Variants in CATSPERG observed in about 807,000 individuals in gnomAD.
CATSPERG encodes catsper channel auxiliary subunit gamma, also known as cation channel sperm-associated auxiliary subunit gamma.
CATSPERG carries 115 observed loss-of-function variants against 145.0 expected under a neutral mutation model. The ratio of observed to expected loss-of-function variants is 0.79; its 90% CI spans 0.68 to 0.93. CATSPERG has a LOEUF of 0.93. CATSPERG is among the 40% of genes least tolerant of loss of function. The probability of loss-of-function intolerance (pLI) is 0.00; values close to 1 mark genes in which losing one functional copy is unlikely to be tolerated. For missense variants in CATSPERG, 1,296 were observed against 1,490.1 expected, an observed-to-expected ratio of 0.87 and a Z score of 2.14; for synonymous variants, 588 against 589.0, an observed-to-expected ratio of 1.00 and a Z score of 0.02.
intron 1 of CATSPERG, chr19:38,336,511 G>A (rs1320028112): frequency 3.5e-6 from 1 of 284,178 alleles, no homozygotes; most frequent in Non-Finnish European, 6.9e-6. Flanking sequence ...CCGGCCGGGA[G>A]CAAGAGCAGG....
chr19:38,360,069 C>A (rs1361196352), intron 14 of CATSPERG: 3 of 984,906 alleles, frequency 3.0e-6, no homozygotes, highest in African/African-American at 3.5e-5. Flanking sequence ...AGGTTCCCTT[C>A]AGATGTGTAT....
In CATSPERG at chr19:38,358,266, C is replaced by T. The variant is rs780100264; in HGVS notation, c.1316-12C>T. On this transcript the variant is annotated splice_polypyrimidine_tract_variant and intron_variant, in intron 11 of 28. Coordinates refer to ENST00000409235, the MANE Select transcript of CATSPERG (RefSeq NM_021185.5). ...GCCTCAGGAGATTTTGCTGTGTTCT[C>T]CCCACCTGTAGCTAGTGATGACCTG... 9.3e-6 allele frequency: 15 copies of T among 1,613,942 alleles called. No individual in the cohort carries two copies. The South Asian group carries it at 1.5e-4, about 17-fold the overall frequency.
intron 3 of CATSPERG, among the ~76,000 whole-genome samples, chr19:38,340,003 CG>C (rs1212113855): frequency 2.6e-5 from 4 of 151,990 alleles, no homozygotes; most frequent in Non-Finnish European, 5.9e-5. Flanking sequence ...TACAGGCATG[CG>C]CCACCATGCC....
At chr19:38,369,622 C>A in intron 26 of CATSPERG, 1 of 321,778 alleles carries the variant, frequency 3.1e-6, no homozygotes, top group Non-Finnish European at 6.1e-6. Flanking sequence ...GACTTTGTAC[C>A]TAGTAAGTGC....
chr19:38,351,194 A>G (rs576020507), intron 7 of CATSPERG, among the ~76,000 whole-genome samples: 270 of 152,276 alleles, frequency 1.8e-3, no homozygotes, highest in Non-Finnish European at 3.2e-3. Flanking sequence ...CATGATGCCT[A>G]GTGAATTAAA....
At chr19:38,369,901 G>A (rs928141502) in intron 26 of CATSPERG, 71 bp from the exon 27 acceptor site, 9 of 1,420,776 alleles carry the variant, frequency 6.3e-6, no homozygotes, top group Non-Finnish European at 9.0e-6. Context: ...ACATTGGGTG[G>A]AGGAAGAAAT....
At chr19:38,346,421 T>C (rs2145073550) in intron 6 of CATSPERG, 29 bp from the exon 7 acceptor site, 1 of 1,509,400 alleles carries the variant, frequency 6.6e-7, no homozygotes, top group African/African-American at 1.4e-5. Context: ...GGGGAGAGTG[T>C]TGGCGTCCCT....
intron 3 of CATSPERG, chr19:38,337,974 C>A (rs1969872494): frequency 4.0e-6 from 1 of 248,710 alleles, no homozygotes; most frequent in Non-Finnish European, 7.9e-6. Context: ...GCCTCAGACT[C>A]CCAAAGTGCT....
chr19:38,349,801 A>G (rs1174004611), intron 7 of CATSPERG, among the ~76,000 whole-genome samples: 1 of 151,994 alleles, frequency 6.6e-6, no homozygotes, highest in Admixed American at 6.6e-5. Flanking sequence ...AGGAGCTGGG[A>G]TTACAGCCAC....
At chr19:38,358,681 A>C in intron 13 of CATSPERG, 120 bp downstream of exon 13, 6 of 1,202,576 alleles carry the variant, frequency 5.0e-6, no homozygotes, top group Non-Finnish European at 7.2e-6. Context: ...GGATGCACAA[A>C]TCCAGAAGTT....
chr19:38,336,310 C>T (rs1969835201), intron 1 of CATSPERG: 6 of 415,692 alleles, frequency 1.4e-5, no homozygotes, highest in South Asian at 1.0e-4. Flanking sequence ...AGACAGTTTT[C>T]ATCGAGAAGG....
chr19:38,362,624 G>C, intron 19 of CATSPERG, 50 bp downstream of exon 19: 1 of 1,602,590 alleles, frequency 6.2e-7, no homozygotes, highest in Non-Finnish European at 8.5e-7. Flanking sequence ...AGGGCTACCA[G>C]AATCTGGGAG....
chr19:38,356,359 G>A (rs1970242227), intron 9 of CATSPERG, 125 bp from the exon 10 acceptor site: 1 of 773,716 alleles, frequency 1.3e-6, no homozygotes, highest in Non-Finnish European at 2.2e-6. Flanking sequence ...AGTGACGAAA[G>A]GCCAGAGAAT....
At position 38,367,165 on chromosome 19, in the gene CATSPERG, A is replaced by T. The variant is rs1041669859; in HGVS notation, c.2623A>T (p.Met875Leu). The part of the protein sequence containing the change: ...HLGPHMQGNL[M>L]VPVFIGCPPG... ...TTTTCCTCCCACCGAGGGCAACCTG[A>T]TGGTGCCAGTGTTCATTGGCTGCCC... The change falls in exon 23 of 29, where the codon ATG becomes TTG. Residue 875 changes from methionine (M) to leucine (L), a missense_variant. Met to Leu is a conservative substitution (Grantham distance 15, BLOSUM62 2). Transcript: ENST00000409235. 1 of 1,612,904 alleles carries T rather than the reference A, an allele frequency of 6.2e-7. No homozygotes were observed. The highest frequency in any genetic ancestry group is 2.2e-5 in the East Asian group (1 of 44,822).
At chr19:38,368,217 G>A in intron 26 of CATSPERG, 80 bp downstream of exon 26, 2 of 1,245,462 alleles carry the variant, frequency 1.6e-6, no homozygotes, top group Non-Finnish European at 2.3e-6. Flanking sequence ...GCCCCTAGGA[G>A]GCCTCTTGAT....
Position 38,365,125 on chromosome 19 carries a change from A to G in CATSPERG, c.2613+8A>G. 4 of 1,612,980 alleles carry G rather than the reference A, an allele frequency of 2.5e-6. No individual in the cohort carries two copies. The highest frequency in any genetic ancestry group is 3.4e-6 in the Non-Finnish European group (4 of 1,179,770). Reference sequence around the variant, plus strand: ...CTGGGGCCCCATATGCAAGTATTGGAGCTTGGGATACTGGGCCCTGGGAGG... The same window carrying G: ...CTGGGGCCCCATATGCAAGTATTGGGGCTTGGGATACTGGGCCCTGGGAGG... On this transcript the variant is annotated splice_region_variant and intron_variant, in intron 22 of 28. Coordinates refer to ENST00000409235, the MANE Select transcript of CATSPERG (RefSeq NM_021185.5).
rs1465905152 is a variant in CATSPERG at position 38,361,768 on chromosome 19, C to T, written c.2001C>T (p.Val667=). The T allele has an allele frequency of 6.2e-7, 1 of 1,613,234 alleles. No individual in the cohort carries two copies. Among genetic ancestry groups the T allele is most frequent in the South Asian group, 1.1e-5 (1 of 90,926 alleles). The change falls in exon 17 of 29, where the codon GTC becomes GTT. Residue 667 remains valine, a synonymous_variant. Coordinates refer to ENST00000409235, the MANE Select transcript of CATSPERG (RefSeq NM_021185.5). ...QERYRARPPR[V]LERSGFHNEN... ...GCTACCGGGCGCGGCCGCCGCGCGT[C>T]CTGGAGCGCTCGGGCTTCCACAACG...
intron 7 of CATSPERG, 118 bp from the exon 8 acceptor site, chr19:38,352,143 G>C: frequency 2.0e-6 from 2 of 995,780 alleles, no homozygotes; most frequent in Non-Finnish European, 3.0e-6. Flanking sequence ...AGAGCGCCCT[G>C]GGGCAGCTAC....
At chr19:38,350,991 A>AAAAC (rs966404142) in intron 7 of CATSPERG, among the ~76,000 whole-genome samples, 1 of 152,150 alleles carries the variant, frequency 6.6e-6, no homozygotes, top group African/African-American at 2.4e-5. Context: ...CCTATCTCAA[A>AAAAC]AAACAAACAA....
Sources: allele counts gnomAD v4.1 joint callset (sites outside exome capture counted in the v4.1 genomes callset), GRCh38; gene constraint gnomAD v4.1.1; transcripts MANE v1.5; gene names NCBI Gene and HGNC (gene_info 2026-07-23, HGNC 2026-07-21).